PRKG1: variants seen among roughly 807,000 people sequenced by gnomAD.
PRKG1 encodes the protein cGMP-dependent protein kinase 1.
Under a neutral mutation model 88.1 loss-of-function variants are expected in PRKG1, and 35 were observed. The ratio of observed to expected loss-of-function variants is 0.40; its 90% confidence interval spans 0.30 to 0.53. The LOEUF (loss-of-function observed/expected upper bound fraction) is 0.53, where lower values mean the gene tolerates loss of function less well. Among genes scored for constraint, PRKG1 ranks in the 20% least tolerant of loss-of-function variants. The pLI, the probability that PRKG1 is intolerant of heterozygous loss-of-function variation, is 0.59. For missense variants in PRKG1, 540 were observed against 839.8 expected, an observed-to-expected ratio of 0.64 and a Z score of 4.41; for synonymous variants, 303 against 292.5, an observed-to-expected ratio of 1.04 and a Z score of -0.37.
chr10:52,067,911 A>G (rs1001370985), intron 7 of PRKG1, among the ~76,000 whole-genome samples: 5 of 151,290 alleles, frequency 3.3e-5, no homozygotes, highest in African/African-American at 1.2e-4. Flanking sequence ...TTGCTTCAAG[A>G]TCCCTACTTG....
At chr10:51,643,973 AAATCCCAGATAT>A (rs1194832240) in intron 3 of PRKG1, among the ~76,000 whole-genome samples, 4 of 152,056 alleles carry the variant, frequency 2.6e-5, no homozygotes, top group Non-Finnish European at 5.9e-5. Flanking sequence ...GCTTTGAAAC[AAATCCCAGATAT>A]AATATCATTT....
chr10:51,494,644 A>G (rs971354561), intron 3 of PRKG1, among the ~76,000 whole-genome samples: 9 of 152,230 alleles, frequency 5.9e-5, no homozygotes, highest in Admixed American at 2.6e-4. Flanking sequence ...GTTAATTGGA[A>G]TAAGAACCTA....
intron 3 of PRKG1, chr10:51,698,255 A>C: frequency 6.2e-7 from 1 of 1,613,764 alleles, no homozygotes; most frequent in Non-Finnish European, 8.5e-7. Context: ...CCTCTCCATT[A>C]CACGTGTCTC....
At chr10:51,287,929 A>C (rs1410720363) in intron 2 of PRKG1, among the ~76,000 whole-genome samples, 1 of 152,196 alleles carries the variant, frequency 6.6e-6, no homozygotes, top group Non-Finnish European at 1.5e-5. Flanking sequence ...GATGATGTCT[A>C]TAATACCAGG....
In PRKG1 at chr10:51,281,439, T is replaced by C. The variant is rs1227858650; in HGVS notation, c.478+128109T>C. 3.9e-5 allele frequency among the ~76,000 whole-genome samples: 6 copies of C among 152,084 alleles called. No homozygotes were observed. In the East Asian group the frequency reaches 1.2e-3, roughly 29 times the overall value. The stretch of plus-strand genomic sequence containing the variant: ...TATATCCTGCACCTGGCTCAGAGGG[T>C]CCCATGCCCACAGAGCCTCGCTCAT... On this transcript the variant is annotated intron_variant, in intron 2 of 17. Transcript: ENST00000373980.
chr10:51,627,229 A>G (rs1489124354), intron 3 of PRKG1, among the ~76,000 whole-genome samples: 1 of 152,178 alleles, frequency 6.6e-6, no homozygotes, highest in Non-Finnish European at 1.5e-5. Flanking sequence ...TACACAAAAT[A>G]ACATGGTGGG....
At position 51,399,291 on chromosome 10, in the gene PRKG1, G is replaced by A. The variant is rs185494010; in HGVS notation, c.479-68432G>A. Among the ~76,000 whole-genome samples, 33 of 152,216 alleles carry A rather than the reference G, an allele frequency of 2.2e-4. No individual in the cohort carries two copies. The East Asian group carries it at 4.2e-3, about 20-fold the overall frequency. Reference sequence around the variant, plus strand: ...GATACATAGCATGCCGTGTTAATCAGTGTTCCCCAGAGAAATTGGAGAAAT... The same window carrying A: ...GATACATAGCATGCCGTGTTAATCAATGTTCCCCAGAGAAATTGGAGAAAT... On this transcript the variant is annotated intron_variant, in intron 2 of 17. Transcript: ENST00000373980.
At chr10:51,857,477 G>A (rs1443032860) in intron 4 of PRKG1, among the ~76,000 whole-genome samples, 6 of 152,118 alleles carry the variant, frequency 3.9e-5, no homozygotes, top group African/African-American at 1.4e-4. Flanking sequence ...TGATGGAGGG[G>A]GCTGTGGAGA....
intron 3 of PRKG1, among the ~76,000 whole-genome samples, chr10:51,651,644 C>T (rs544308538): frequency 5.3e-5 from 8 of 151,278 alleles, no homozygotes; most frequent in African/African-American, 9.7e-5. Flanking sequence ...AGTACAGTGG[C>T]GCCATCCTGG....
intron 6 of PRKG1, among the ~76,000 whole-genome samples, chr10:52,058,282 A>G (rs938488202): frequency 2.0e-5 from 3 of 152,094 alleles, no homozygotes; most frequent in Non-Finnish European, 4.4e-5. Context: ...TGTCTTGGAC[A>G]TTATAGAACT....
chr10:51,674,168 G>T (rs1354644505), intron 3 of PRKG1, among the ~76,000 whole-genome samples: 2 of 151,918 alleles, frequency 1.3e-5, no homozygotes, highest in Admixed American at 1.3e-4. Context: ...GAAGTTTTTT[G>T]GTTTTTGTTT....
At chr10:51,223,284 A>G (rs897949790) in intron 2 of PRKG1, among the ~76,000 whole-genome samples, 1 of 152,188 alleles carries the variant, frequency 6.6e-6, no homozygotes, top group Non-Finnish European at 1.5e-5. Context: ...AGTTATAAAA[A>G]AGTTCAAAAT....
At chr10:51,646,980 A>G (rs1839929341) in intron 3 of PRKG1, among the ~76,000 whole-genome samples, 2 of 152,012 alleles carry the variant, frequency 1.3e-5, no homozygotes, top group Admixed American at 1.3e-4. Context: ...AGAAAAATAA[A>G]TTAAAAACTT....
chr10:51,894,978 T>C (rs1431061125), intron 4 of PRKG1, among the ~76,000 whole-genome samples: 1 of 152,174 alleles, frequency 6.6e-6, no homozygotes, highest in East Asian at 1.9e-4. Context: ...GTTACGATGA[T>C]AAGGAAGATG....
rs1323068893 is a variant in PRKG1 at position 51,016,669 on chromosome 10, C to CTTTTTTTTTTTTTTTTTT, written c.266+25028_266+25029insTTTTTTTTTTTTTTTTTT. 4.8e-3 allele frequency among the ~76,000 whole-genome samples: 110 copies of CTTTTTTTTTTTTTTTTTT among 22,750 alleles called. 2 individuals carry two copies. The highest frequency in any genetic ancestry group is 7.6e-3 in the Non-Finnish European group (92 of 12,086). 14.9% of individuals were successfully genotyped at this position (22,750 alleles called of 152,430 possible). On this transcript the variant is annotated intron_variant, in intron 1 of 17. Coordinates refer to the PRKG1 transcript ENST00000401604. ...ACCCAGTGAAGAAGGTATTATTATC[C>CTTTTTTTTTTTTTTTTTT]TTTCTTTTTTTTTTTTTTTTTTTGG...
intron 3 of PRKG1, among the ~76,000 whole-genome samples, chr10:51,554,937 T>A (rs151189406): frequency 7.2e-4 from 110 of 152,030 alleles, no homozygotes; most frequent in African/African-American, 2.5e-3. Flanking sequence ...GTGTAAAAGT[T>A]CCTTGAAATT....
chr10:51,489,966 C>T (rs113777893), intron 3 of PRKG1, among the ~76,000 whole-genome samples: 2 of 152,128 alleles, frequency 1.3e-5, no homozygotes, highest in African/African-American at 4.8e-5. Flanking sequence ...TATCTTTTGG[C>T]CCCACTTTTA....
chr10:51,931,237 G>A (rs1395581288), intron 5 of PRKG1, among the ~76,000 whole-genome samples: 1 of 152,072 alleles, frequency 6.6e-6, no homozygotes, highest in Admixed American at 6.6e-5. Flanking sequence ...TTTGTTACTC[G>A]AAAATTAATG....
At chr10:52,025,542 T>C (rs1324047331) in intron 5 of PRKG1, among the ~76,000 whole-genome samples, 1 of 152,154 alleles carries the variant, frequency 6.6e-6, no homozygotes, top group Admixed American at 6.5e-5. Context: ...GCTTTCTCCA[T>C]ATGGCTAGCC....
Sources: gnomAD v4.1 joint callset for allele counts (sites outside exome capture counted in the v4.1 genomes callset) on GRCh38, gnomAD v4.1.1 for gene constraint, MANE v1.5 for transcripts, NCBI Gene and HGNC (gene_info 2026-07-23, HGNC 2026-07-21) for gene names.